Variants in CTR9 observed in about 807,000 individuals in gnomAD.
The protein encoded by CTR9 is CTR9 component of Paf1/RNA polymerase II complex.
Under a neutral mutation model 152.1 loss-of-function variants are expected in CTR9, and 41 were observed. That is an observed-to-expected ratio of 0.27 (90% CI 0.21 to 0.35). CTR9 has a LOEUF of 0.35. Ranked by LOEUF, CTR9 falls within the 10% of genes least tolerant of loss-of-function variation. The pLI is 1.00. For missense variants in CTR9, 917 were observed against 1,424.4 expected, an observed-to-expected ratio of 0.64 and a Z score of 5.73; for synonymous variants, 476 against 496.2, an observed-to-expected ratio of 0.96 and a Z score of 0.54.
rs1281396070 is a variant in CTR9, at chr11:10,767,999, C to G, written c.1872+8C>G. 1 of 1,613,736 alleles carries G rather than the reference C, an allele frequency of 6.2e-7. No individual in the cohort carries two copies. The highest frequency in any genetic ancestry group is 1.7e-5 in the Admixed American group (1 of 59,946). On this transcript the variant is annotated splice_region_variant and intron_variant, in intron 14 of 24. Coordinates refer to ENST00000361367, the MANE Select transcript of CTR9 (RefSeq NM_014633.5). This position sits in a 1 kb window ranked among gnomAD's most constrained non-coding sequence, Gnocchi z 4.0. The stretch of plus-strand genomic sequence containing the variant: ...ACCCGAGATCGAGAAAAGGTAATCT[C>G]TTTTTGTCCTTTTAAACAAAACTGA...
chr11:10,753,652 T>TA (rs1390734407), intron 2 of CTR9, among the ~76,000 whole-genome samples: 1 of 149,914 alleles, frequency 6.7e-6, no homozygotes, highest in African/African-American at 2.4e-5. Context: ...ACATTTTTTT[T>TA]AAAACCAGAT....
chr11:10,770,590 A>G lies in CTR9; in HGVS notation c.2330A>G (p.Lys777Arg), dbSNP rs1392851250. ...CTGAAAGATGAAAAAAGTAATCTGAAGGAAGTACTTAATGCTGTGAAAGAA... is the reference window on the plus strand; with the variant it reads ...CTGAAAGATGAAAAAAGTAATCTGAGGGAAGTACTTAATGCTGTGAAAGAA... ...SVLKDEKSNL[K>R]EVLNAVKELE... The change falls in exon 18 of 25, where the codon AAG becomes AGG. Residue 777 changes from lysine (K) to arginine (R), a missense_variant. Lys to Arg is a conservative substitution (Grantham distance 26). Transcript: ENST00000361367. 6.2e-7 allele frequency: 1 copy of G among 1,613,826 alleles called. No homozygotes were observed. Among genetic ancestry groups the G allele is most frequent in the Admixed American group, 1.7e-5 (1 of 60,004 alleles).
At position 10,771,549 on chromosome 11, in the gene CTR9, T is replaced by G. The variant is rs1211139371; in HGVS notation, c.2377T>G (p.Phe793Val). Residue 793 changes from phenylalanine to valine, a missense_variant, in exon 19 of 25, where the codon TTC becomes GTC. Phe to Val is a conservative substitution (Grantham distance 50). Transcript: ENST00000361367. ...VKELELAHRY[F>V]SYLSKVGDKM... ...GTATTTTCTCGTTTCATTTAGATACTTCAGTTATTTGAGTAAAGTGGGAGA... is the reference window on the plus strand; with the variant it reads ...GTATTTTCTCGTTTCATTTAGATACGTCAGTTATTTGAGTAAAGTGGGAGA... 6.2e-7 allele frequency: 1 copy of G among 1,602,590 alleles called. No homozygotes were observed. The highest frequency in any genetic ancestry group is 1.1e-5 in the South Asian group (1 of 90,798).
rs551634928 is a variant in CTR9 at position 10,774,521 on chromosome 11, T to G, written c.2885+352T>G. ...CTTGGAAAAATCACTAAGCCTCAGT[T>G]TCCTCTCTGTCGTTGGTAACAGCAA... On this transcript the variant is annotated intron_variant, in intron 22 of 24. Coordinates refer to ENST00000361367, the MANE Select transcript of CTR9 (RefSeq NM_014633.5). 3.9e-5 allele frequency among the ~76,000 whole-genome samples: 6 copies of G among 152,372 alleles called. No homozygotes were observed. The East Asian group carries it at 9.6e-4, about 24-fold the overall frequency.
rs535624674 is a variant in CTR9 at position 10,773,533 on chromosome 11, G to A, written c.2727+260G>A. 1.1e-4 allele frequency among the ~76,000 whole-genome samples: 17 copies of A among 151,974 alleles called. No individual in the cohort carries two copies. In the East Asian group the frequency reaches 2.3e-3, roughly 21 times the overall value. On this transcript the variant is annotated intron_variant, in intron 21 of 24. Transcript: ENST00000361367. ...GCAGTTTTAACCAGTTGAGACTTTC[G>A]TCTCAATTAGAAGTCTAATTGGGCC... is the stretch of plus-strand genomic sequence containing the variant.
intron 17 of CTR9, 22 bp from the exon 18 acceptor site, chr11:10,770,465 A>G: frequency 3.1e-6 from 5 of 1,604,462 alleles, no homozygotes; most frequent in African/African-American, 1.3e-5. Context: ...GAACATATGA[A>G]ATATTTATTT....
intron 16 of CTR9, 131 bp downstream of exon 16, chr11:10,768,622 A>G: frequency 3.2e-6 from 3 of 944,940 alleles, no homozygotes; most frequent in Non-Finnish European, 4.4e-6. Context: ...GAGATTTATA[A>G]TTATATAATG....
At chr11:10,763,378 T>A in intron 7 of CTR9, 53 bp from the exon 8 acceptor site, 2 of 1,167,430 alleles carry the variant, frequency 1.7e-6, no homozygotes, top group Non-Finnish European at 2.5e-6. Flanking sequence ...ATAAAACAGC[T>A]ATGCAAGCTA....
At chr11:10,774,308 T>G in intron 22 of CTR9, 139 bp downstream of exon 22, 1 of 1,035,362 alleles carries the variant, frequency 9.7e-7, no homozygotes, top group Non-Finnish European at 1.4e-6. Context: ...CTTCCTACTT[T>G]AATCCTAAGA....
At position 10,768,290 on chromosome 11, in the gene CTR9, T is replaced by G. The variant is rs1181823861; in HGVS notation, c.1961-53T>G. 3 of 1,584,024 alleles carry G rather than the reference T, an allele frequency of 1.9e-6. No individual in the cohort carries two copies. In the East Asian group the frequency reaches 6.7e-5, roughly 36 times the overall value. Reference sequence around the variant, plus strand: ...GTTTTAAAATAGAATTTTTAGTTGTTTTTCTGACTCCAATTAGAAAATTGT... The same window carrying G: ...GTTTTAAAATAGAATTTTTAGTTGTGTTTCTGACTCCAATTAGAAAATTGT... On this transcript the variant is annotated intron_variant, in intron 15 of 24. Coordinates refer to ENST00000361367, the MANE Select transcript of CTR9 (RefSeq NM_014633.5).
At chr11:10,754,899 T>C in intron 2 of CTR9, 59 bp from the exon 3 acceptor site, 1 of 1,538,458 alleles carries the variant, frequency 6.5e-7, no homozygotes, top group Admixed American at 2.1e-5. Context: ...AACATTTGTG[T>C]ACAACTTTTT....
chr11:10,755,785 A>G lies in CTR9; in HGVS notation c.492A>G (p.Pro164=). Residue 164 remains proline, a synonymous_variant, in exon 4 of 25, where the codon CCA becomes CCG. Transcript: ENST00000361367. The part of the protein sequence containing the change: ...FVLNQSPNNI[P]ALLGKACISF... ...TCAATCAGTCTCCAAATAATATTCC[A>G]GCCCTTCTTGGTAAGTGGTCTTTGG... is the stretch of plus-strand genomic sequence containing the variant. 2.5e-6 allele frequency: 4 copies of G among 1,605,718 alleles called. No individual in the cohort carries two copies. Among genetic ancestry groups the G allele is most frequent in the Non-Finnish European group, 3.4e-6 (4 of 1,173,428 alleles).
At chr11:10,778,073 A>G (rs145675621) in intron 24 of CTR9, among the ~76,000 whole-genome samples, 4 of 152,308 alleles carry the variant, frequency 2.6e-5, no homozygotes, top group African/African-American at 9.6e-5. Flanking sequence ...AGCAAAGGGA[A>G]ATAAACCAAA....
At chr11:10,768,217 G>T (rs1357160308) in intron 15 of CTR9, 56 bp downstream of exon 15, 1 of 1,576,886 alleles carries the variant, frequency 6.3e-7, no homozygotes, top group African/African-American at 1.4e-5. Flanking sequence ...TACTTTCAGA[G>T]GAATGTTTGT....
At chr11:10,777,949 C>T (rs1863268265) in intron 24 of CTR9, among the ~76,000 whole-genome samples, 1 of 152,164 alleles carries the variant, frequency 6.6e-6, no homozygotes, top group Non-Finnish European at 1.5e-5. Context: ...AATGTTCTTT[C>T]CTCAGAGCCT....
chr11:10,756,965 T>G (rs920553887), intron 5 of CTR9, 127 bp downstream of exon 5: 6 of 728,462 alleles, frequency 8.2e-6, no homozygotes, highest in Non-Finnish European at 2.3e-6. Context: ...GAATCAAGTT[T>G]TTTTTTTGAT....
At position 10,772,849 on chromosome 11, in the gene CTR9, G is replaced by A. The variant is rs188553712; in HGVS notation, c.2580+194G>A. ...CGAGACCAGCCTGGCCAACATGGTGGAACCCCGTCTCTACTAAAAATACAA... is the reference window on the plus strand; with the variant it reads ...CGAGACCAGCCTGGCCAACATGGTGAAACCCCGTCTCTACTAAAAATACAA... On this transcript the variant is annotated intron_variant, in intron 20 of 24. Coordinates refer to ENST00000361367, the MANE Select transcript of CTR9 (RefSeq NM_014633.5). 7.6e-3 allele frequency among the ~76,000 whole-genome samples: 1,148 copies of A among 151,770 alleles called. 17 individuals are homozygous for A. The highest frequency in any genetic ancestry group is 0.027 in the African/African-American group (1,097 of 41,378).
At chr11:10,764,470 T>C (rs1863027629) in intron 11 of CTR9, 34 bp downstream of exon 11, 1 of 1,436,814 alleles carries the variant, frequency 7.0e-7, no homozygotes, top group Admixed American at 2.3e-5. Flanking sequence ...TCTTTTATAC[T>C]GAATCAAGTT....
At chr11:10,775,757 G>T (rs938618096) in intron 24 of CTR9, 124 bp downstream of exon 24, 43 of 604,406 alleles carry the variant, frequency 7.1e-5, no homozygotes, top group Non-Finnish European at 1.1e-4. Context: ...ATAATAAGAG[G>T]GGTGGGGACA....
Sources: allele counts gnomAD v4.1 joint callset (sites outside exome capture counted in the v4.1 genomes callset), GRCh38; gene constraint gnomAD v4.1.1; non-coding constraint Gnocchi (gnomAD v3.1); transcripts MANE v1.5; gene names NCBI Gene and HGNC (gene_info 2026-07-23, HGNC 2026-07-21).